The following DPYS variants were observed in gnomAD, a reference collection of about 807,000 sequenced individuals.
The protein encoded by DPYS is dihydropyrimidine amidohydrolase.
Under a neutral mutation model 50.3 loss-of-function variants are expected in DPYS, and 39 were observed. The ratio of observed to expected loss-of-function variants is 0.78; its 90% confidence interval spans 0.60 to 1.01. The LOEUF (loss-of-function observed/expected upper bound fraction) is 1.01. Among genes scored for constraint, DPYS ranks in the 50% least tolerant of loss-of-function variants. The pLI is 0.00. For synonymous variants in DPYS, 245 were observed against 250.7 expected (o/e 0.98, Z 0.22); for missense variants, 659 against 680.9 (o/e 0.97, Z 0.36).
At chr8:104,394,594 T>G (rs1811515860) in intron 7 of DPYS, among the ~76,000 whole-genome samples, 1 of 151,890 alleles carries the variant, frequency 6.6e-6, no homozygotes, top group Admixed American at 6.6e-5. Flanking sequence ...ACTGGCTTCT[T>G]TGTTTCAATT....
chr8:104,441,629 G>A (rs1211478983), intron 4 of DPYS, among the ~76,000 whole-genome samples: 1 of 152,158 alleles, frequency 6.6e-6, no homozygotes, highest in Non-Finnish European at 1.5e-5. Flanking sequence ...TAATTGGAGG[G>A]GCCTGGCAAG....
chr8:104,450,906 C>T (rs11995044), intron 2 of DPYS, among the ~76,000 whole-genome samples: 4,867 of 151,966 alleles, frequency 0.032, 271 homozygotes, highest in African/African-American at 0.11. Context: ...TTAAAAGATT[C>T]GGGGGATATT....
At chr8:104,465,317 A>G (rs1814326566) in intron 1 of DPYS, among the ~76,000 whole-genome samples, 1 of 151,942 alleles carries the variant, frequency 6.6e-6, no homozygotes, top group Non-Finnish European at 1.5e-5. Context: ...AGTGATGGAG[A>G]GAAGGAGGGA....
intron 7 of DPYS, among the ~76,000 whole-genome samples, chr8:104,409,313 C>T (rs1359041352): frequency 6.6e-6 from 1 of 151,478 alleles, no homozygotes; most frequent in Non-Finnish European, 1.5e-5. Context: ...AGTGAAACCC[C>T]GTCTCTACTA....
chr8:104,393,590 T>C (rs1811475204), intron 7 of DPYS, among the ~76,000 whole-genome samples: 1 of 152,230 alleles, frequency 6.6e-6, no homozygotes, highest in Admixed American at 6.5e-5. Flanking sequence ...TAAAATACGT[T>C]GGAATATAAT....
Position 104,467,038 on chromosome 8 carries a change from G to T in DPYS, c.-118C>A. 8.1e-7 allele frequency: 1 copy of T among 1,239,020 alleles called. No individual in the cohort carries two copies. The highest frequency in any genetic ancestry group is 1.0e-6 in the Non-Finnish European group (1 of 958,016). The allele number at this position is 1,239,020 out of a possible 1,614,324, so 76.8% of individuals were successfully genotyped here. A position where few individuals can be genotyped will look rare whatever the true frequency, so the allele number is the denominator to read the frequency against. On this transcript the variant is annotated 5_prime_UTR_variant, in exon 1 of 10. Transcript: ENST00000351513. ...TCCCCACCGACAGCCCCCGAGCTCT[G>T]CCTCAGGCTGCAAATCCGGAGCCCG...
At chr8:104,453,611 C>T (rs1055170865) in intron 1 of DPYS, among the ~76,000 whole-genome samples, 1 of 152,158 alleles carries the variant, frequency 6.6e-6, no homozygotes, top group African/African-American at 2.4e-5. Context: ...CAAAATGGTA[C>T]AGCCACTTTG....
chr8:104,395,381 C>T (rs1811542524), intron 7 of DPYS, among the ~76,000 whole-genome samples: 1 of 152,196 alleles, frequency 6.6e-6, no homozygotes, highest in Non-Finnish European at 1.5e-5. Flanking sequence ...TTTACACATA[C>T]ATAGATTTGT....
At chr8:104,430,362 T>C (rs1195444867) in intron 4 of DPYS, among the ~76,000 whole-genome samples, 3 of 137,002 alleles carry the variant, frequency 2.2e-5, no homozygotes, top group Non-Finnish European at 4.8e-5. Context: ...AATGAGGCCA[T>C]CAAAAAAAAA....
intron 1 of DPYS, among the ~76,000 whole-genome samples, chr8:104,461,348 T>C (rs1015201189): frequency 9.6e-6 from 1 of 103,728 alleles, no homozygotes; most frequent in African/African-American, 3.4e-5. Context: ...ATAATGTCAT[T>C]ATCCATCATC....
In DPYS at chr8:104,451,335, CA is replaced by C; in HGVS notation, c.333del (p.Ile111MetfsTer25). The C allele has an allele frequency of 1.9e-6, 3 of 1,614,150 alleles. No individual in the cohort carries two copies. The Admixed American group carries it at 5.0e-5, about 27-fold the overall frequency. On this transcript the variant is annotated frameshift_variant, in exon 2 of 10. Transcript: ENST00000351513. LOFTEE classifies it high-confidence loss of function. ...CAGCTTCGCCAGGTCTCGAAGGCCT[CA>C]ATGAGGGAGCCACCTTTCTGAGGAA... ...FAIPQKGGSLIEAFETWRSWA... is the reference protein window; with the variant it reads ...FAIPQKGGSLXEAFETWRSWA...
intron 2 of DPYS, among the ~76,000 whole-genome samples, chr8:104,450,078 T>C (rs1219079962): frequency 7.0e-6 from 1 of 142,230 alleles, no homozygotes; most frequent in Non-Finnish European, 1.5e-5. Flanking sequence ...TTGCTCCATC[T>C]TATAAAATAG....
At chr8:104,419,106 T>C in intron 7 of DPYS, 4 of 977,976 alleles carry the variant, frequency 4.1e-6, no homozygotes, top group Non-Finnish European at 4.9e-6. Context: ...CAGTTCTTCC[T>C]CCTCTCCTTG....
In DPYS at chr8:104,429,558, T is replaced by A. The variant is rs34895123; in HGVS notation, c.937A>T (p.Asn313Tyr). The change falls in exon 5 of 10, where the codon AAT (asparagine) becomes TAT (tyrosine). Residue 313 changes from asparagine to tyrosine, a missense_variant. Physicochemically the swap from Asn to Tyr is moderately radical, Grantham distance 143. Transcript: ENST00000351513. Reference protein sequence around the residue: ...PDPSTPDFLMNLLANDDLTTT... With the variant: ...PDPSTPDFLMYLLANDDLTTT... ...CAAAATGATTACTTAGCCAACAGAT[T>A]CATGAGGAAGTCGGGTGTTGAGGGG... 7 of 1,613,896 alleles carry A rather than the reference T, an allele frequency of 4.3e-6. No individual in the cohort carries two copies. The African/African-American group carries it at 9.3e-5, about 22-fold the overall frequency.
intron 4 of DPYS, among the ~76,000 whole-genome samples, chr8:104,441,790 T>C (rs1003957797): frequency 2.6e-5 from 4 of 152,246 alleles, no homozygotes; most frequent in African/African-American, 9.6e-5. Flanking sequence ...TGGTTTCTCT[T>C]GAAACAGCTA....
chr8:104,424,925 C>A (rs1041002579), intron 6 of DPYS, among the ~76,000 whole-genome samples: 2 of 148,308 alleles, frequency 1.3e-5, no homozygotes, highest in Non-Finnish European at 3.0e-5. Context: ...CTCCCAGGTT[C>A]AAGCGATTCT....
intron 9 of DPYS, chr8:104,380,393 C>T (rs1810992183): frequency 6.6e-6 from 1 of 152,432 alleles, no homozygotes; most frequent in Non-Finnish European, 1.5e-5. Context: ...GAAAAGATAT[C>T]ACACGTTAAA....
rs141931388 is a variant in DPYS, at chr8:104,418,632, T to C, written c.1235+5615A>G. ...AGTGCAATCCCCAGCCTTAACTGCT[T>C]CCTCCTAGAACCCCCTGTCAATGCC... is the stretch of plus-strand genomic sequence containing the variant. On this transcript the variant is annotated intron_variant, in intron 7 of 9. Transcript: ENST00000351513. The C allele has an allele frequency of 8.0e-3, 1,217 of 152,454 alleles. 7 individuals carry two copies. The highest frequency in any genetic ancestry group is 0.011 in the Non-Finnish European group (745 of 68,076). 9.4% of individuals were successfully genotyped at this position (152,454 alleles called of 1,614,324 possible). A position where few individuals can be genotyped will look rare whatever the true frequency, so the allele number is the denominator to read the frequency against.
chr8:104,450,664 C>A (rs1439820439), intron 2 of DPYS, among the ~76,000 whole-genome samples: 2 of 152,144 alleles, frequency 1.3e-5, no homozygotes, highest in East Asian at 3.9e-4. Context: ...ATTATGAAAT[C>A]ATCTGACCAG....
Sources: allele counts gnomAD v4.1 joint callset (sites outside exome capture counted in the v4.1 genomes callset), GRCh38; gene constraint gnomAD v4.1.1; transcripts MANE v1.5; gene names NCBI Gene and HGNC (gene_info 2026-07-23, HGNC 2026-07-21).